CHL1: variants seen among roughly 807,000 people sequenced by gnomAD.
CHL1 encodes the protein neural cell adhesion molecule L1-like protein.
Under a neutral mutation model 141.9 loss-of-function variants are expected in CHL1, and 96 were observed. That is an observed-to-expected ratio of 0.68 (90% CI 0.57 to 0.80). CHL1 has a LOEUF of 0.80. Ranked by LOEUF, CHL1 falls within the 30% of genes least tolerant of loss-of-function variation. The pLI is 0.00. For synonymous variants in CHL1, 613 were observed against 502.2 expected (o/e 1.22, Z -2.95); for missense variants, 1,820 against 1,457.2 (o/e 1.25, Z -4.05).
At chr3:337,509 C>T (rs534010748) in intron 5 of CHL1, among the ~76,000 whole-genome samples, 32 of 151,336 alleles carry the variant, frequency 2.1e-4, no homozygotes, top group African/African-American at 5.1e-4. Flanking sequence ...AATGCTATCC[C>T]TCCCCTCTCC....
At chr3:340,965 C>CAATTACAATAA in intron 6 of CHL1, 49 bp downstream of exon 6, 1 of 1,541,020 alleles carries the variant, frequency 6.5e-7, no homozygotes, top group Non-Finnish European at 8.9e-7. Context: ...TTAATTCTAT[C>CAATTACAATAA]CATCATATCA....
chr3:298,831 A>AT lies in CHL1; in HGVS notation c.-94-20845dup, dbSNP rs545856144. Among the ~76,000 whole-genome samples, 386 of 152,256 alleles carry AT rather than the reference A, an allele frequency of 2.5e-3. 3 individuals are homozygous for AT. Among genetic ancestry groups the AT allele is most frequent in the African/African-American group, 8.7e-3 (362 of 41,554 alleles). On this transcript the variant is annotated intron_variant, in intron 2 of 27. Transcript: ENST00000256509. ...TTAGCAAAACAGTCACTGCCTTCAA[A>AT]TTTTTTTACCATATAAGATGATGAA...
intron 2 of CHL1, among the ~76,000 whole-genome samples, chr3:281,616 G>A (rs1177159560): frequency 3.4e-5 from 5 of 148,884 alleles, no homozygotes; most frequent in African/African-American, 9.9e-5. Context: ...CTGGAATGCA[G>A]TGGCACAATC....
chr3:375,585 G>A (rs932419345), intron 15 of CHL1, among the ~76,000 whole-genome samples: 6 of 151,680 alleles, frequency 4.0e-5, no homozygotes, highest in African/African-American at 1.5e-4. Context: ...GGGAGTTGGG[G>A]ACATTAAAAC....
At chr3:283,740 G>A (rs920433495) in intron 2 of CHL1, among the ~76,000 whole-genome samples, 1 of 151,958 alleles carries the variant, frequency 6.6e-6, no homozygotes, top group Non-Finnish European at 1.5e-5. Flanking sequence ...CATCATCCCC[G>A]GCATCTCAAT....
chr3:242,833 T>C (rs1345069474), intron 1 of CHL1, among the ~76,000 whole-genome samples: 1 of 152,138 alleles, frequency 6.6e-6, no homozygotes, highest in Admixed American at 6.6e-5. Context: ...ACAAATAAGT[T>C]TGATCATAGC....
chr3:256,010 G>A (rs961525246), intron 2 of CHL1, among the ~76,000 whole-genome samples: 3 of 150,708 alleles, frequency 2.0e-5, no homozygotes, highest in Admixed American at 6.6e-5. Context: ...TGGGATTCAT[G>A]CTCCCATTCC....
chr3:375,119 C>T (rs181929208), intron 15 of CHL1, among the ~76,000 whole-genome samples: 67 of 152,128 alleles, frequency 4.4e-4, no homozygotes, highest in African/African-American at 1.6e-3. Flanking sequence ...ATTGAAATGC[C>T]CCCCCAGGAA....
intron 2 of CHL1, among the ~76,000 whole-genome samples, chr3:258,868 C>CTTTT (rs763713997): frequency 4.2e-5 from 6 of 143,930 alleles, no homozygotes; most frequent in African/African-American, 1.5e-4. Context: ...ACTAAGTCCC[C>CTTTT]TTTTTTTTTT....
intron 1 of CHL1, among the ~76,000 whole-genome samples, chr3:214,652 TTAG>T (rs1028356383): frequency 2.0e-5 from 3 of 152,204 alleles, no homozygotes; most frequent in African/African-American, 7.2e-5. Flanking sequence ...TTGGTATTAA[TTAG>T]TAGTAGATGT....
intron 2 of CHL1, among the ~76,000 whole-genome samples, chr3:264,695 G>C (rs1695012579): frequency 6.6e-6 from 1 of 152,182 alleles, no homozygotes; most frequent in Non-Finnish European, 1.5e-5. Flanking sequence ...ATGATCCTTG[G>C]TCTTTTAACA....
At chr3:389,183 G>T in intron 19 of CHL1, 69 bp from the exon 20 acceptor site, 1 of 1,178,942 alleles carries the variant, frequency 8.5e-7, no homozygotes, top group East Asian at 2.6e-5. Flanking sequence ...TCCACTTAGG[G>T]TGGTTCACCA....
chr3:313,457 T>G (rs1345521185), intron 2 of CHL1, among the ~76,000 whole-genome samples: 2 of 152,166 alleles, frequency 1.3e-5, no homozygotes, highest in Non-Finnish European at 2.9e-5. Context: ...TTGAATAATG[T>G]TATTTGCAAA....
chr3:325,643 G>A (rs553937668), intron 3 of CHL1, among the ~76,000 whole-genome samples: 1 of 152,082 alleles, frequency 6.6e-6, no homozygotes, highest in Admixed American at 6.6e-5. Context: ...AACATAGATT[G>A]AATGCCAATA....
intron 15 of CHL1, among the ~76,000 whole-genome samples, chr3:376,625 T>G (rs935573771): frequency 1.1e-4 from 16 of 152,224 alleles, no homozygotes; most frequent in African/African-American, 3.4e-4. Context: ...TCAGCTACTA[T>G]GGGCCCTCGT....
intron 26 of CHL1, among the ~76,000 whole-genome samples, 184 bp downstream of exon 26, chr3:399,332 G>T (rs994980193): frequency 6.6e-6 from 1 of 152,238 alleles, no homozygotes; most frequent in South Asian, 2.1e-4. Flanking sequence ...GTATGTTCTA[G>T]TTTCTAGCAC....
rs1307409482 is a variant in CHL1, at chr3:242,382, G to A, written c.-174-2231G>A. On this transcript the variant is annotated intron_variant, in intron 1 of 27. Transcript: ENST00000256509. ...GAGGCTGAGGGGGGCAGATCACGAG[G>A]TCAGGAGATCGAGACCATCCTGGCT... Among the ~76,000 whole-genome samples the A allele has an allele frequency of 2.1e-4, 30 of 142,924 alleles. 1 individual carries two copies. Among genetic ancestry groups the A allele is most frequent in the East Asian group, 8.6e-4 (4 of 4,640 alleles). 93.8% of individuals were successfully genotyped at this position (142,924 alleles called of 152,430 possible). A position where few individuals can be genotyped will look rare whatever the true frequency, so the allele number is the denominator to read the frequency against.
chr3:241,583 G>GTTT (rs111809765), intron 1 of CHL1, among the ~76,000 whole-genome samples: 1 of 149,054 alleles, frequency 6.7e-6, no homozygotes. Context: ...ACTTCTCTCT[G>GTTT]GTTTTTTTTT....
chr3:343,497 A>G (rs186884123), intron 8 of CHL1, among the ~76,000 whole-genome samples: 50 of 152,322 alleles, frequency 3.3e-4, no homozygotes, highest in African/African-American at 1.1e-3. Flanking sequence ...AACAGTTTGT[A>G]GCATTTTTCA....
Sources: gnomAD v4.1 joint callset for allele counts (sites outside exome capture counted in the v4.1 genomes callset) on GRCh38, gnomAD v4.1.1 for gene constraint, MANE v1.5 for transcripts, NCBI Gene and HGNC (gene_info 2026-07-23, HGNC 2026-07-21) for gene names.